The following ARHGEF10 variants were observed in gnomAD, a reference collection of about 807,000 sequenced individuals.
ARHGEF10 encodes Rho guanine nucleotide exchange factor (GEF) 10.
A neutral mutation model predicts 147.4 loss-of-function variants in ARHGEF10; 140 were observed. The observed-to-expected ratio is 0.95, with a 90% CI of 0.83 to 1.09. ARHGEF10 has a LOEUF of 1.09. Ranked by LOEUF, ARHGEF10 falls within the 50% of genes least tolerant of loss-of-function variation. ARHGEF10 has a pLI of 0.00. For synonymous variants in ARHGEF10, 902 were observed against 695.8 expected, an observed-to-expected ratio of 1.30 and a Z score of -4.67; for missense variants, 2,222 against 1,752.7, an observed-to-expected ratio of 1.27 and a Z score of -4.78.
chr8:1,956,130 T>G (rs1055445890), intron 28 of ARHGEF10, among the ~76,000 whole-genome samples: 8 of 152,224 alleles, frequency 5.3e-5, no homozygotes, highest in Non-Finnish European at 7.3e-5. Context: ...CACGTGATGC[T>G]TACAGAATCA....
intron 3 of ARHGEF10, chr8:1,858,953 T>G: frequency 1.6e-5 from 3 of 188,116 alleles, no homozygotes; most frequent in Non-Finnish European, 3.4e-5. Context: ...TGTACCGTGT[T>G]TCTTTGTGCG....
chr8:1,832,604 A>G (rs1360265634), intron 1 of ARHGEF10, among the ~76,000 whole-genome samples: 2 of 147,278 alleles, frequency 1.4e-5, no homozygotes, highest in African/African-American at 2.6e-5. Flanking sequence ...AGAGACAGGC[A>G]GAGGCAGAGA....
At chr8:1,888,377 A>C (rs1439782275) in intron 11 of ARHGEF10, among the ~76,000 whole-genome samples, 1 of 122,938 alleles carries the variant, frequency 8.1e-6, no homozygotes, top group Non-Finnish European at 1.7e-5. Context: ...GGAGATACTG[A>C]GGTGATAGTT....
chr8:1,824,830 T>C (rs866719135), intron 1 of ARHGEF10, among the ~76,000 whole-genome samples: 7 of 10,214 alleles, frequency 6.9e-4, no homozygotes, highest in African/African-American at 1.1e-3. Context: ...CCCACCTGTC[T>C]TCCCCACACC....
chr8:1,896,959 G>A (rs1405704051), intron 14 of ARHGEF10, among the ~76,000 whole-genome samples: 1 of 152,202 alleles, frequency 6.6e-6, no homozygotes, highest in Non-Finnish European at 1.5e-5. Flanking sequence ...CCCCTGATGG[G>A]TGTGGGTTAG....
intron 18 of ARHGEF10, among the ~76,000 whole-genome samples, chr8:1,910,982 A>G (rs1012342417): frequency 6.6e-6 from 1 of 152,206 alleles, no homozygotes; most frequent in Non-Finnish European, 1.5e-5. Flanking sequence ...GCAATGTGAA[A>G]AAAGCATAAA....
At chr8:1,908,522 G>A (rs896327665) in intron 17 of ARHGEF10, among the ~76,000 whole-genome samples, 25 of 152,194 alleles carry the variant, frequency 1.6e-4, no homozygotes, top group Middle Eastern at 6.8e-3. Flanking sequence ...GTGAGCCACC[G>A]CGCCCGGCCC....
At chr8:1,879,930 A>G in intron 8 of ARHGEF10, 118 bp from the exon 9 acceptor site, 1 of 798,780 alleles carries the variant, frequency 1.3e-6, no homozygotes, top group Non-Finnish European at 2.3e-6. Flanking sequence ...AGAAGCCCCC[A>G]GCCAGGACAG....
At chr8:1,855,405 A>C (rs1482132639) in intron 2 of ARHGEF10, among the ~76,000 whole-genome samples, 3 of 152,136 alleles carry the variant, frequency 2.0e-5, no homozygotes, top group Non-Finnish European at 4.4e-5. Context: ...GGTGGGGGAC[A>C]AGGTGTTGCT....
chr8:1,875,639 A>T (rs957893908), intron 7 of ARHGEF10, among the ~76,000 whole-genome samples: 1 of 152,234 alleles, frequency 6.6e-6, no homozygotes, highest in Non-Finnish European at 1.5e-5. Context: ...AGAACTTTTA[A>T]TCAGACATTT....
intron 9 of ARHGEF10, among the ~76,000 whole-genome samples, chr8:1,881,702 G>A (rs1048800981): frequency 6.6e-6 from 1 of 152,150 alleles, no homozygotes; most frequent in Non-Finnish European, 1.5e-5. Context: ...GGAAGTCCAG[G>A]GCAGGCAGAC....
At chr8:1,932,114 C>G (rs1410602700) in intron 25 of ARHGEF10, among the ~76,000 whole-genome samples, 1 of 152,178 alleles carries the variant, frequency 6.6e-6, no homozygotes, top group Non-Finnish European at 1.5e-5. Context: ...GTTCTTGTGC[C>G]ACTCCATGCC....
At chr8:1,920,960 A>T (rs770542643) in intron 18 of ARHGEF10, among the ~76,000 whole-genome samples, 1 of 152,008 alleles carries the variant, frequency 6.6e-6, no homozygotes, top group Non-Finnish European at 1.5e-5. Flanking sequence ...CTAATTTTGT[A>T]TTTTTAGTAG....
chr8:1,826,667 G>A (rs549868116), intron 1 of ARHGEF10, among the ~76,000 whole-genome samples: 1 of 152,328 alleles, frequency 6.6e-6, no homozygotes, highest in South Asian at 2.1e-4. Context: ...ATGCGCTAAT[G>A]ACGGTTGTAT....
At chr8:1,907,708 G>C (rs528311970) in intron 17 of ARHGEF10, among the ~76,000 whole-genome samples, 1 of 152,258 alleles carries the variant, frequency 6.6e-6, no homozygotes, top group African/African-American at 2.4e-5. Context: ...TTAAAATAAC[G>C]CCCCTGCCTT....
At chr8:1,836,745 T>A (rs1349166941) in intron 1 of ARHGEF10, among the ~76,000 whole-genome samples, 1 of 152,144 alleles carries the variant, frequency 6.6e-6, no homozygotes. Context: ...CACCCAAATC[T>A]CAACTTGAAT....
chr8:1,893,463 TA>T, intron 11 of ARHGEF10, 105 bp from the exon 12 acceptor site: 1 of 792,570 alleles, frequency 1.3e-6, no homozygotes, highest in Non-Finnish European at 2.2e-6. Flanking sequence ...CACTGTTTTC[TA>T]AAAATAGAAA....
intron 2 of ARHGEF10, among the ~76,000 whole-genome samples, chr8:1,853,578 T>C (rs980247273): frequency 1.3e-5 from 2 of 152,224 alleles, no homozygotes; most frequent in African/African-American, 4.8e-5. Context: ...ATTCCTTCTG[T>C]GGCTGCAGCA....
intron 16 of ARHGEF10, among the ~76,000 whole-genome samples, 182 bp from the exon 17 acceptor site, chr8:1,905,389 C>T (rs138371724): frequency 3.5e-4 from 53 of 152,262 alleles, no homozygotes; most frequent in African/African-American, 1.2e-3. Context: ...GGGCCAACTG[C>T]GGTGAAAGTC....
Sources: allele counts gnomAD v4.1 joint callset (sites outside exome capture counted in the v4.1 genomes callset), GRCh38; gene constraint gnomAD v4.1.1; transcripts MANE v1.5; gene names NCBI Gene and HGNC (gene_info 2026-07-23, HGNC 2026-07-21).